The following FRAS1 variants were observed in gnomAD, a reference collection of about 807,000 sequenced individuals.
FRAS1 encodes extracellular matrix organizing protein FRAS1.
Under a neutral mutation model 435.2 loss-of-function variants are expected in FRAS1, and 290 were observed. The observed-to-expected ratio is 0.67, with a 90% CI of 0.61 to 0.73. The LOEUF (loss-of-function observed/expected upper bound fraction) is 0.73. Ranked by LOEUF, FRAS1 falls within the 30% of genes least tolerant of loss-of-function variation. The pLI, the probability that FRAS1 is intolerant of heterozygous loss-of-function variation, is 0.00. For missense variants in FRAS1, 4,860 were observed against 5,001.5 expected (o/e 0.97, Z 0.85); for synonymous variants, 1,800 against 1,851.0 (o/e 0.97, Z 0.71).
intron 2 of FRAS1, among the ~76,000 whole-genome samples, chr4:78,124,624 G>A (rs1435584120): frequency 6.6e-6 from 1 of 152,062 alleles, no homozygotes; most frequent in Non-Finnish European, 1.5e-5. Context: ...TTGGTTGGTA[G>A]GCTATTAATT....
Position 78,466,438 on chromosome 4 carries a change from G to T in FRAS1, c.7257+3G>T. The T allele has an allele frequency of 6.2e-7, 1 of 1,607,086 alleles. No individual in the cohort carries two copies. Among genetic ancestry groups the T allele is most frequent in the Non-Finnish European group, 8.5e-7 (1 of 1,174,966 alleles). On this transcript the variant is annotated splice_donor_region_variant and intron_variant, in intron 50 of 73. Coordinates refer to ENST00000512123, the MANE Select transcript of FRAS1 (RefSeq NM_025074.7). ...TCATTGAGGAAGGGGGAAAAGAGGT[G>T]AGGGGTGAGGACACTGGAGGAGGTA... is the stretch of plus-strand genomic sequence containing the variant.
chr4:78,153,167 A>G (rs553761792), intron 2 of FRAS1, among the ~76,000 whole-genome samples: 1 of 152,276 alleles, frequency 6.6e-6, no homozygotes, highest in East Asian at 1.9e-4. Flanking sequence ...TCCATGGCAT[A>G]CAAGACTTTT....
intron 2 of FRAS1, among the ~76,000 whole-genome samples, chr4:78,189,639 C>T (rs763509758): frequency 2.6e-5 from 4 of 152,158 alleles, no homozygotes; most frequent in Non-Finnish European, 5.9e-5. Context: ...TGTTCTCATT[C>T]GGCTCTATGG....
chr4:78,103,527 G>C (rs748964465), intron 2 of FRAS1, among the ~76,000 whole-genome samples: 15 of 152,128 alleles, frequency 9.9e-5, no homozygotes, highest in Non-Finnish European at 7.4e-5. Context: ...ATTATAGTTT[G>C]CTATGGTTTG....
chr4:78,456,024 C>G (rs1318923943), intron 47 of FRAS1, among the ~76,000 whole-genome samples: 8 of 151,928 alleles, frequency 5.3e-5, no homozygotes, highest in Non-Finnish European at 1.0e-4. Flanking sequence ...TACCTCTGGC[C>G]CAAGGCGAAT....
At chr4:78,081,014 C>G (rs764436723) in intron 2 of FRAS1, among the ~76,000 whole-genome samples, 1 of 152,118 alleles carries the variant, frequency 6.6e-6, no homozygotes, top group Non-Finnish European at 1.5e-5. Flanking sequence ...CAGTGTTTAG[C>G]TACATACCTT....
intron 2 of FRAS1, among the ~76,000 whole-genome samples, chr4:78,080,339 A>T (rs1740839204): frequency 6.6e-6 from 1 of 152,150 alleles, no homozygotes; most frequent in Admixed American, 6.6e-5. Context: ...TCCATTAGAT[A>T]AGAGGCTGAT....
intron 47 of FRAS1, among the ~76,000 whole-genome samples, chr4:78,455,462 C>T (rs934876352): frequency 2.6e-5 from 4 of 151,932 alleles, no homozygotes; most frequent in Admixed American, 2.6e-4. Context: ...AGAGCAACTT[C>T]TAGGCCAGTG....
At chr4:78,313,139 T>C (rs1729100310) in intron 15 of FRAS1, among the ~76,000 whole-genome samples, 1 of 152,236 alleles carries the variant, frequency 6.6e-6, no homozygotes, top group African/African-American at 2.4e-5. Context: ...TACTCACTTC[T>C]GTTGAGATGT....
Position 78,167,051 on chromosome 4 carries a change from C to G in FRAS1, c.109-70459C>G, listed in dbSNP as rs531684164. Among the ~76,000 whole-genome samples the G allele has an allele frequency of 1.1e-4, 17 of 152,290 alleles. No homozygotes were observed. The South Asian group carries it at 3.5e-3, about 32-fold the overall frequency. On this transcript the variant is annotated intron_variant, in intron 2 of 73. Coordinates refer to ENST00000512123, the MANE Select transcript of FRAS1 (RefSeq NM_025074.7). ...GACATAAATGCTATTGTGTTTAGCC[C>G]ATTGCGTAGTGCATTTATTTGTTTC...
At chr4:78,331,159 A>T (rs2110255958) in intron 18 of FRAS1, among the ~76,000 whole-genome samples, 1 of 152,368 alleles carries the variant, frequency 6.6e-6, no homozygotes, top group South Asian at 2.1e-4. Flanking sequence ...ATAAAATTTA[A>T]TTTAAGAAAA....
chr4:78,266,907 A>T lies in FRAS1; in HGVS notation c.761A>T (p.Gln254Leu). The T allele has an allele frequency of 6.2e-7, 1 of 1,607,844 alleles. No individual in the cohort carries two copies. The highest frequency in any genetic ancestry group is 8.5e-7 in the Non-Finnish European group (1 of 1,177,082). The change falls in exon 8 of 74, where the codon CAG (glutamine) becomes CTG (leucine). Residue 254 changes from glutamine to leucine, a missense_variant. Coordinates refer to ENST00000512123, the MANE Select transcript of FRAS1 (RefSeq NM_025074.7). ...CDRGEVRCHKQACLPLRCGKG... is the reference protein window; with the variant it reads ...CDRGEVRCHKLACLPLRCGKG... ...CGGGGTGAGGTCAGGTGTCACAAGC[A>T]GGCCTGCCTGCCCCTGAGATGCGGA...
chr4:78,537,954 A>G (rs575506838), intron 72 of FRAS1, among the ~76,000 whole-genome samples: 1 of 147,008 alleles, frequency 6.8e-6, no homozygotes, highest in South Asian at 2.1e-4. Context: ...TCAAAAAAAA[A>G]AAAGAAAAAA....
chr4:78,214,971 C>CT (rs1275114549), intron 2 of FRAS1, among the ~76,000 whole-genome samples: 25 of 152,058 alleles, frequency 1.6e-4, no homozygotes, highest in Admixed American at 1.6e-3. Context: ...TCAAAGGTGT[C>CT]TTTCCCCCGA....
chr4:78,243,375 C>T (rs1380689504), intron 3 of FRAS1, among the ~76,000 whole-genome samples: 2 of 151,674 alleles, frequency 1.3e-5, no homozygotes, highest in Admixed American at 6.6e-5. Context: ...TTGCCCCCAG[C>T]GATCTTCACT....
At chr4:78,392,487 AT>A (rs1277842828) in intron 29 of FRAS1, among the ~76,000 whole-genome samples, 1 of 151,502 alleles carries the variant, frequency 6.6e-6, no homozygotes, top group East Asian at 1.9e-4. Flanking sequence ...TGTTTGTGAG[AT>A]TTTTTTTCTC....
At chr4:78,092,805 G>A (rs543899038) in intron 2 of FRAS1, among the ~76,000 whole-genome samples, 2 of 152,184 alleles carry the variant, frequency 1.3e-5, no homozygotes, top group Non-Finnish European at 2.9e-5. Context: ...CACCCCAGAT[G>A]CATCGATAGA....
At chr4:78,310,408 G>A (rs1428845138) in intron 15 of FRAS1, among the ~76,000 whole-genome samples, 3 of 152,166 alleles carry the variant, frequency 2.0e-5, no homozygotes, top group Non-Finnish European at 4.4e-5. Context: ...TTTAAAAAGA[G>A]GAATAGTTAA....
intron 2 of FRAS1, chr4:78,181,368 C>T: frequency 6.2e-7 from 1 of 1,611,840 alleles, no homozygotes; most frequent in South Asian, 1.1e-5. Context: ...TCGTCTTTGA[C>T]AGTTCCCCAG....
Sources: gnomAD v4.1 joint callset for allele counts (sites outside exome capture counted in the v4.1 genomes callset) on GRCh38, gnomAD v4.1.1 for gene constraint, MANE v1.5 for transcripts, NCBI Gene and HGNC (gene_info 2026-07-23, HGNC 2026-07-21) for gene names.